Variants in BORCS5 observed in about 807,000 individuals in gnomAD.
BORCS5 encodes the protein BLOC-1 related complex subunit 5, also known as BLOC-1-related complex subunit 5.
A neutral mutation model predicts 22.1 loss-of-function variants in BORCS5; 17 were observed. The ratio of observed to expected loss-of-function variants is 0.77; its 90% CI spans 0.53 to 1.15. BORCS5 has a LOEUF of 1.15. BORCS5 is among the 50% of genes most tolerant of loss of function. The probability of loss-of-function intolerance (pLI) is 0.00; values close to 1 mark genes in which losing one functional copy is unlikely to be tolerated. For synonymous variants in BORCS5, 117 were observed against 99.8 expected (o/e 1.17, Z -1.03); for missense variants, 247 against 253.2 (o/e 0.98, Z 0.17).
intron 2 of BORCS5, among the ~76,000 whole-genome samples, chr12:12,378,222 A>C (rs1157136192): frequency 6.6e-6 from 1 of 152,206 alleles, no homozygotes; most frequent in African/African-American, 2.4e-5. Context: ...AAATACAAAA[A>C]GTAGCTAGGC....
chr12:12,364,369 TG>T (rs1479479790), intron 2 of BORCS5, among the ~76,000 whole-genome samples: 1 of 116,724 alleles, frequency 8.6e-6, no homozygotes, highest in Non-Finnish European at 1.8e-5. Flanking sequence ...GAGTGAGACT[TG>T]GTCTCAAAGA....
At chr12:12,441,296 A>G (rs1266665626) in intron 3 of BORCS5, among the ~76,000 whole-genome samples, 1 of 152,206 alleles carries the variant, frequency 6.6e-6, no homozygotes, top group African/African-American at 2.4e-5. Flanking sequence ...GTATTTGCAG[A>G]CAATTTGGCA....
chr12:12,444,940 A>G (rs1256347229), intron 3 of BORCS5, among the ~76,000 whole-genome samples: 1 of 152,236 alleles, frequency 6.6e-6, no homozygotes, highest in Non-Finnish European at 1.5e-5. Context: ...GCTTAAAAAC[A>G]ACAACAACAA....
intron 2 of BORCS5, among the ~76,000 whole-genome samples, chr12:12,363,552 G>A (rs1410502760): frequency 6.6e-6 from 1 of 152,124 alleles, no homozygotes; most frequent in African/African-American, 2.4e-5. Context: ...TGGCTAACAC[G>A]GTGAAACCCT....
intron 2 of BORCS5, among the ~76,000 whole-genome samples, chr12:12,389,949 C>T (rs1941127795): frequency 6.6e-6 from 1 of 152,060 alleles, no homozygotes; most frequent in Admixed American, 6.6e-5. Flanking sequence ...TGGCCTCAAG[C>T]AGTCTTTAAA....
intron 2 of BORCS5, among the ~76,000 whole-genome samples, chr12:12,412,823 G>T (rs999839623): frequency 7.3e-6 from 1 of 137,294 alleles, no homozygotes; most frequent in Non-Finnish European, 1.6e-5. Context: ...TGTTTTATTT[G>T]TTTGTTTTTA....
Position 12,415,537 on chromosome 12 carries a change from G to T in BORCS5, c.203-20091G>T, listed in dbSNP as rs1453875224. ...TTTGGCTCGGCATCAGAGGGAGACC[G>T]TGGAAGGAGACCGTGGAGAGAGGGG... On this transcript the variant is annotated intron_variant, in intron 2 of 3. Coordinates refer to ENST00000314565, the MANE Select transcript of BORCS5 (RefSeq NM_058169.6). 1.1e-4 allele frequency among the ~76,000 whole-genome samples: 14 copies of T among 123,258 alleles called. No homozygotes were observed. The South Asian group carries it at 4.2e-3, about 37-fold the overall frequency. The allele number at this position is 123,258 out of a possible 152,430, so 80.9% of individuals were successfully genotyped here. A position where few individuals can be genotyped will look rare whatever the true frequency, so the allele number is the denominator to read the frequency against.
At chr12:12,437,647 C>T (rs1023878949) in intron 3 of BORCS5, among the ~76,000 whole-genome samples, 2 of 152,198 alleles carry the variant, frequency 1.3e-5, no homozygotes, top group Non-Finnish European at 2.9e-5. Flanking sequence ...GAAAGCCAGA[C>T]TTTTGAAACT....
At chr12:12,448,294 C>T (rs760728826) in intron 3 of BORCS5, among the ~76,000 whole-genome samples, 6 of 152,182 alleles carry the variant, frequency 3.9e-5, no homozygotes, top group Non-Finnish European at 7.3e-5. Context: ...CGGCTCACTG[C>T]AACTCCTGCC....
intron 3 of BORCS5, among the ~76,000 whole-genome samples, chr12:12,448,149 C>T (rs1256170360): frequency 3.9e-5 from 6 of 152,300 alleles, no homozygotes; most frequent in East Asian, 1.9e-4. Context: ...CGTCCACCTT[C>T]GAAACTCTAA....
In BORCS5 at chr12:12,459,546, A is replaced by G. The variant is rs544294505; in HGVS notation, c.361-6000A>G. Among the ~76,000 whole-genome samples, 248 of 152,150 alleles carry G rather than the reference A, an allele frequency of 1.6e-3. 1 individual carries two copies. Among genetic ancestry groups the G allele is most frequent in the Non-Finnish European group, 3.0e-3 (207 of 68,012 alleles). On this transcript the variant is annotated intron_variant, in intron 3 of 3. Coordinates refer to ENST00000314565, the MANE Select transcript of BORCS5 (RefSeq NM_058169.6). ...GCTCGTCTCGAACTGCTGACCTCAGATGATCCACCCGTCTCAGCCTCCCAA... is the reference window on the plus strand; with the variant it reads ...GCTCGTCTCGAACTGCTGACCTCAGGTGATCCACCCGTCTCAGCCTCCCAA...
intron 2 of BORCS5, among the ~76,000 whole-genome samples, chr12:12,414,294 G>A (rs1377616543): frequency 2.1e-5 from 1 of 48,686 alleles, no homozygotes; most frequent in African/African-American, 1.2e-4. Context: ...AGGCAGAGGC[G>A]CCCCTCACCT....
chr12:12,443,670 G>A (rs1237028733), intron 3 of BORCS5, among the ~76,000 whole-genome samples: 1 of 152,226 alleles, frequency 6.6e-6, no homozygotes, highest in Non-Finnish European at 1.5e-5. Flanking sequence ...TTTTGGCAAG[G>A]CATGAGCAGA....
At chr12:12,406,331 G>C (rs977674493) in intron 2 of BORCS5, among the ~76,000 whole-genome samples, 1 of 152,156 alleles carries the variant, frequency 6.6e-6, no homozygotes, top group African/African-American at 2.4e-5. Context: ...TTCTGAAATT[G>C]ATCTTGTTCT....
Position 12,434,593 on chromosome 12 carries a change from C to T in BORCS5, c.203-1035C>T, listed in dbSNP as rs1043563285. Among the ~76,000 whole-genome samples the T allele has an allele frequency of 5.3e-5, 8 of 152,244 alleles. No individual in the cohort carries two copies. In the East Asian group the frequency reaches 1.3e-3, roughly 26 times the overall value. ...AAATGCAGAAGCAGCTATGATATTC[C>T]AGCTGTTTTCTATTAAGGCAGACAT... On this transcript the variant is annotated intron_variant, in intron 2 of 3. Transcript: ENST00000314565.
intron 2 of BORCS5, among the ~76,000 whole-genome samples, chr12:12,410,587 T>G (rs934131796): frequency 2.0e-5 from 3 of 152,164 alleles, no homozygotes; most frequent in African/African-American, 7.2e-5. Context: ...TTGGTCTATA[T>G]CTCTGTTTTG....
chr12:12,420,286 T>C (rs1269699325), intron 2 of BORCS5, among the ~76,000 whole-genome samples: 39 of 151,768 alleles, frequency 2.6e-4, no homozygotes, highest in African/African-American at 7.2e-4. Context: ...TTCCCAGCAC[T>C]ATTTATTAAA....
chr12:12,423,843 C>T (rs1261294710), intron 2 of BORCS5, among the ~76,000 whole-genome samples: 1 of 152,106 alleles, frequency 6.6e-6, no homozygotes, highest in Non-Finnish European at 1.5e-5. Flanking sequence ...CATCTGCCAC[C>T]ACGCCTGGCT....
At chr12:12,462,908 C>T (rs6488528) in intron 3 of BORCS5, among the ~76,000 whole-genome samples, 35 of 103,496 alleles carry the variant, frequency 3.4e-4, no homozygotes, top group Admixed American at 5.4e-4. Flanking sequence ...CCGCCCTCCT[C>T]AGCCTCCCAA....
Sources: allele counts gnomAD v4.1 joint callset (sites outside exome capture counted in the v4.1 genomes callset), GRCh38; gene constraint gnomAD v4.1.1; transcripts MANE v1.5; gene names NCBI Gene and HGNC (gene_info 2026-07-23, HGNC 2026-07-21).